SLC6A14: variants seen among roughly 807,000 people sequenced by gnomAD.
SLC6A14 encodes sodium- and chloride-dependent neutral and basic amino acid transporter B(0+).
SLC6A14 carries 21 observed loss-of-function variants against 51.4 expected under a neutral mutation model. That is an observed-to-expected ratio of 0.41 (90% confidence interval 0.29 to 0.59). The LOEUF (loss-of-function observed/expected upper bound fraction) is 0.59. Among genes scored for constraint, SLC6A14 ranks in the 20% least tolerant of loss-of-function variants. The probability of loss-of-function intolerance (pLI) is 0.31; values close to 1 mark genes in which losing one functional copy is unlikely to be tolerated. For missense variants in SLC6A14, 371 were observed against 472.8 expected (o/e 0.78, Z 2.00); for synonymous variants, 177 against 160.7 (o/e 1.10, Z -0.77).
chrX:116,456,261 A>G (rs782258467), intron 12 of SLC6A14, among the ~76,000 whole-genome samples: 126 of 110,782 alleles, frequency 1.1e-3, no homozygotes, highest in Non-Finnish European at 2.0e-3. Context: ...GTTTTCCTAG[A>G]AAAGACCATT....
chrX:116,457,276 A>G (rs782498570), intron 12 of SLC6A14, among the ~76,000 whole-genome samples: 119 of 111,791 alleles, frequency 1.1e-3, no homozygotes, highest in Middle Eastern at 4.7e-3. Flanking sequence ...GAAAAGCTCA[A>G]TAACAGAAAA....
At chrX:116,444,322 C>T (rs1295216514) in intron 5 of SLC6A14, among the ~76,000 whole-genome samples, 1 of 111,652 alleles carries the variant, frequency 9.0e-6, no homozygotes, top group Non-Finnish European at 1.9e-5. Context: ...TGCTAAATGA[C>T]CTCTTCTTCA....
chrX:116,441,621 A>T (rs1183377792), intron 3 of SLC6A14, among the ~76,000 whole-genome samples: 2 of 112,129 alleles, frequency 1.8e-5, no homozygotes, highest in African/African-American at 6.5e-5. Context: ...TTGACTGAAG[A>T]TTAAATATCA....
chrX:116,452,851 CA>C (rs782527307), intron 8 of SLC6A14, among the ~76,000 whole-genome samples, 165 bp from the exon 9 acceptor site: 12 of 111,528 alleles, frequency 1.1e-4, no homozygotes, highest in Non-Finnish European at 2.3e-4. Flanking sequence ...ACAAAACAAC[CA>C]AATTCAATAT....
chrX:116,449,122 T>A (rs1556694235), intron 7 of SLC6A14, among the ~76,000 whole-genome samples: 5 of 111,587 alleles, frequency 4.5e-5, no homozygotes. Context: ...ATGCAGAGAT[T>A]ATTTTTCTAA....
intron 8 of SLC6A14, 148 bp downstream of exon 8, chrX:116,451,818 C>A: frequency 2.5e-6 from 1 of 401,739 alleles, no homozygotes; most frequent in East Asian, 4.1e-5. Flanking sequence ...AATTTTGTTG[C>A]TGTAACAATA....
Position 116,461,179 on chromosome X carries a change from C to A in SLC6A14, c.*2224C>A, listed in dbSNP as rs965449445. 9.0e-6 allele frequency: 1 copy of A among 111,272 alleles called. No individual in the cohort carries two copies. The highest frequency in any genetic ancestry group is 1.9e-5 in the Non-Finnish European group (1 of 53,033). 9.2% of individuals were successfully genotyped at this position (111,272 alleles called of 1,213,427 possible). A position where few individuals can be genotyped will look rare whatever the true frequency, so the allele number is the denominator to read the frequency against. On this transcript the variant is annotated 3_prime_UTR_variant, in exon 14 of 14. Transcript: ENST00000598581. Reference sequence around the variant, plus strand: ...AAAGAAATTCTTTTCAAAAGCTGACCACAAAGAGTAGTTAAAAGTTTTTGT... The same window carrying A: ...AAAGAAATTCTTTTCAAAAGCTGACAACAAAGAGTAGTTAAAAGTTTTTGT...
intron 7 of SLC6A14, among the ~76,000 whole-genome samples, chrX:116,447,591 CTTT>C (rs782273399): frequency 1.1e-5 from 1 of 91,939 alleles, no homozygotes; most frequent in Non-Finnish European, 2.1e-5. Context: ...GCTTTCACTT[CTTT>C]TTTTTTTTTT....
In SLC6A14 at chrX:116,460,363, C is replaced by G. The variant is rs1928019892; in HGVS notation, c.*1408C>G. 9.0e-6 allele frequency: 1 copy of G among 110,548 alleles called. No homozygotes were observed. The allele number at this position is 110,548 out of a possible 1,213,427, so 9.1% of individuals were successfully genotyped here. ...TCTTACACATTTTAAAACGTTTTCT[C>G]TTCCTTGTGATTGAAGATGAAAGGA... is the stretch of plus-strand genomic sequence containing the variant. On this transcript the variant is annotated 3_prime_UTR_variant, in exon 14 of 14. Transcript: ENST00000598581.
Position 116,436,818 on chromosome X carries a change from T to G in SLC6A14, c.48+61T>G. 2.9e-6 allele frequency: 3 copies of G among 1,042,596 alleles called. No individual in the cohort carries two copies. In the South Asian group the frequency reaches 6.6e-5, roughly 23 times the overall value. 85.9% of individuals were successfully genotyped at this position (1,042,596 alleles called of 1,213,427 possible). ...CTGAGAGTGGAAAACTTAAGGGGGG[T>G]TGCTAGTCTCAGTTTTTGCTTTCTG... is the stretch of plus-strand genomic sequence containing the variant. On this transcript the variant is annotated intron_variant, in intron 1 of 13. Coordinates refer to ENST00000598581, the MANE Select transcript of SLC6A14 (RefSeq NM_007231.5).
intron 2 of SLC6A14, among the ~76,000 whole-genome samples, chrX:116,438,211 C>T (rs891117083): frequency 8.9e-6 from 1 of 111,737 alleles, no homozygotes. Context: ...CACTTCTAAG[C>T]TTCTGATTTG....
rs782775540 is a variant in SLC6A14, at chrX:116,446,785, C to T, written c.834C>T (p.Ile278=). 16 of 1,199,815 alleles carry T rather than the reference C, an allele frequency of 1.3e-5. No homozygotes were observed. Among genetic ancestry groups the T allele is most frequent in the Non-Finnish European group, 1.7e-5 (15 of 886,599 alleles). Residue 278 remains isoleucine, a synonymous_variant, in exon 7 of 14, where the codon ATC becomes ATT. Transcript: ENST00000598581. ...TTTTCCCCTATGTGGTCCTACTCAT[C>T]CTGTTAGTACGAGGTGCAACTCTGG... is the stretch of plus-strand genomic sequence containing the variant. ...TALFPYVVLL[I]LLVRGATLEG...
Position 116,458,961 on chromosome X carries a change from C to A in SLC6A14, c.*6C>A, listed in dbSNP as rs781853755. ...GCAGCAGAAAACCGGAATGAGATCT[C>A]ATTGAAAAAAATATATGATTGTATA... On this transcript the variant is annotated 3_prime_UTR_variant, in exon 14 of 14. Coordinates refer to ENST00000598581, the MANE Select transcript of SLC6A14 (RefSeq NM_007231.5). 1 of 1,181,136 alleles carries A rather than the reference C, an allele frequency of 8.5e-7. No homozygotes were observed. Among genetic ancestry groups the A allele is most frequent in the South Asian group, 1.9e-5 (1 of 52,137 alleles).
chrX:116,442,101 C>T (rs991984453), intron 3 of SLC6A14, among the ~76,000 whole-genome samples: 16 of 111,347 alleles, frequency 1.4e-4, no homozygotes, highest in Non-Finnish European at 2.1e-4. Context: ...GAATTTGATG[C>T]GCTTACCACA....
chrX:116,445,402 T>C (rs1231074697), intron 6 of SLC6A14, among the ~76,000 whole-genome samples: 2 of 104,829 alleles, frequency 1.9e-5, no homozygotes, highest in Non-Finnish European at 3.9e-5. Flanking sequence ...AATGTATGGT[T>C]TGGAAAGTCT....
chrX:116,437,749 A>T (rs781962252), intron 1 of SLC6A14, 41 bp from the exon 2 acceptor site: 1 of 1,148,956 alleles, frequency 8.7e-7, no homozygotes, highest in African/African-American at 1.8e-5. Flanking sequence ...TGGAATTTGT[A>T]ATGGTAGAAA....
intron 9 of SLC6A14, among the ~76,000 whole-genome samples, chrX:116,453,455 T>G (rs1352421882): frequency 2.7e-5 from 3 of 111,167 alleles, no homozygotes; most frequent in East Asian, 5.6e-4. Flanking sequence ...TACCATAGAT[T>G]GTGTATGTTA....
At chrX:116,445,234 C>T (rs1569539645) in intron 6 of SLC6A14, among the ~76,000 whole-genome samples, 184 bp downstream of exon 6, 1 of 109,907 alleles carries the variant, frequency 9.1e-6, no homozygotes, top group East Asian at 2.8e-4. Flanking sequence ...TTGCTAAATA[C>T]AAAACAAACA....
chrX:116,458,642 CTG>C (rs1445354424), intron 13 of SLC6A14, among the ~76,000 whole-genome samples, 165 bp from the exon 14 acceptor site: 1 of 111,928 alleles, frequency 8.9e-6, no homozygotes, highest in Non-Finnish European at 1.9e-5. Flanking sequence ...TCTTGGTAAA[CTG>C]TGCATTATTA....
Sources: gnomAD v4.1 joint callset for allele counts (sites outside exome capture counted in the v4.1 genomes callset) on GRCh38, gnomAD v4.1.1 for gene constraint, MANE v1.5 for transcripts, NCBI Gene and HGNC (gene_info 2026-07-23, HGNC 2026-07-21) for gene names.